The following NOP16 variants were observed in gnomAD, a reference collection of about 807,000 sequenced individuals.
NOP16 encodes the protein nucleolar protein 16.
Under a neutral mutation model 22.7 loss-of-function variants are expected in NOP16, and 14 were observed. That is an observed-to-expected ratio of 0.62 (90% CI 0.41 to 0.97). The LOEUF (loss-of-function observed/expected upper bound fraction) is 0.97. Among genes scored for constraint, NOP16 ranks in the 50% least tolerant of loss-of-function variants. The probability of loss-of-function intolerance (pLI) is 0.00; values close to 1 mark genes in which losing one functional copy is unlikely to be tolerated. For synonymous variants in NOP16, 80 were observed against 83.6 expected (o/e 0.96, Z 0.23); for missense variants, 198 against 235.9 (o/e 0.84, Z 1.05).
At position 176,388,226 on chromosome 5, in the gene NOP16, T is replaced by C; in HGVS notation, c.216+9A>G. The C allele has an allele frequency of 3.1e-6, 5 of 1,595,226 alleles. 1 individual carries two copies. Among genetic ancestry groups the C allele is most frequent in the Middle Eastern group, 3.3e-4 (2 of 6,014 alleles). Reference sequence around the variant, plus strand: ...GAAGACAAGGACCGAGACCCTGCCATGTCAGTACCTTTCTCTTACGGAGGG... The same window carrying C: ...GAAGACAAGGACCGAGACCCTGCCACGTCAGTACCTTTCTCTTACGGAGGG... On this transcript the variant is annotated intron_variant, in intron 2 of 4. Coordinates refer to ENST00000614830, the MANE Select transcript of NOP16 (RefSeq NM_016391.8).
At position 176,388,595 on chromosome 5, in the gene NOP16, G is replaced by T. The variant is rs892294018; in HGVS notation, c.-56C>A. 7 of 1,514,742 alleles carry T rather than the reference G, an allele frequency of 4.6e-6. No homozygotes were observed. The African/African-American group carries it at 6.9e-5, about 15-fold the overall frequency. The allele number at this position is 1,514,742 out of a possible 1,614,324, so 93.8% of individuals were successfully genotyped here. ...ACGCTGCCTCTGTCTCTCAGACCTC[G>T]TGTAACAAACTCCTTCCGGAAGGCG... On this transcript the variant is annotated 5_prime_UTR_variant, in exon 1 of 5. Coordinates refer to ENST00000614830, the MANE Select transcript of NOP16 (RefSeq NM_016391.8).
At chr5:176,386,606 A>C in intron 3 of NOP16, 1 of 617,518 alleles carries the variant, frequency 1.6e-6, no homozygotes, top group Admixed American at 2.2e-5. Flanking sequence ...GCACCTGGGT[A>C]CATCCTCCCT....
At position 176,388,256 on chromosome 5, in the gene NOP16, C is replaced by T; in HGVS notation, c.195G>A (p.Ala65=). 6.2e-7 allele frequency: 1 copy of T among 1,613,082 alleles called. No individual in the cohort carries two copies. The highest frequency in any genetic ancestry group is 8.5e-7 in the Non-Finnish European group (1 of 1,179,092). Residue 65 remains alanine (A), a synonymous_variant, in exon 2 of 5, where the codon GCG becomes GCA. Coordinates refer to ENST00000614830, the MANE Select transcript of NOP16 (RefSeq NM_016391.8). ...EMGLAVDPNR[A]VPLRKRKVKA... is the part of the protein sequence containing the mutation. ...GTACCTTTCTCTTACGGAGGGGCAC[C>T]GCCCTGTTGGGGTCCACAGCCAACC...
Position 176,388,419 on chromosome 5 carries a change from C to A in NOP16, c.107+14G>T, listed in dbSNP as rs769429960. The A allele has an allele frequency of 6.8e-6, 11 of 1,614,012 alleles. No homozygotes were observed. In the South Asian group the frequency reaches 1.2e-4, roughly 18 times the overall value. On this transcript the variant is annotated intron_variant, in intron 1 of 4. Transcript: ENST00000614830. ...GCCGAGGCCCACGGCCACCCGGAAC[C>A]CCAGCCCCCTCACCATTCGATCCGC...
intron 3 of NOP16, chr5:176,386,054 G>C (rs1351658492): frequency 6.6e-6 from 1 of 152,656 alleles, no homozygotes; most frequent in Non-Finnish European, 1.5e-5. Flanking sequence ...TTGTTTAATG[G>C]GTATAGTTTC....
At chr5:176,384,573 GCCCAGGAGTTCCAGGCCA>G (rs953175991) in intron 4 of NOP16, 199 bp from the exon 5 acceptor site, 23 of 594,310 alleles carry the variant, frequency 3.9e-5, no homozygotes, top group African/African-American at 3.7e-4. Context: ...GATCTCTTGA[GCCCAGGAGTTCCAGGCCA>G]CCCTGGGCAA....
chr5:176,387,186 TCTC>T (rs1187103023), intron 2 of NOP16, among the ~76,000 whole-genome samples: 3 of 151,980 alleles, frequency 2.0e-5, no homozygotes, highest in Admixed American at 2.0e-4. Flanking sequence ...GTTCAAGTGA[TCTC>T]CTGCCTCAGC....
At position 176,388,267 on chromosome 5, in the gene NOP16, G is replaced by A. The variant is rs1167631598; in HGVS notation, c.184C>T (p.Pro62Ser). 9 of 1,614,042 alleles carry A rather than the reference G, an allele frequency of 5.6e-6. No homozygotes were observed. The highest frequency in any genetic ancestry group is 5.9e-6 in the Non-Finnish European group (7 of 1,179,900). The change falls in exon 2 of 5, where the codon CCC (proline) becomes TCC (serine). Residue 62 changes from proline (P) to serine (S), a missense_variant. Pro to Ser is a moderately conservative substitution (Grantham distance 74). Coordinates refer to ENST00000614830, the MANE Select transcript of NOP16 (RefSeq NM_016391.8). ...NLAEMGLAVD[P>S]NRAVPLRKRK... ...TTACGGAGGGGCACCGCCCTGTTGGGGTCCACAGCCAACCCCATCTCGGCC... is the reference window on the plus strand; with the variant it reads ...TTACGGAGGGGCACCGCCCTGTTGGAGTCCACAGCCAACCCCATCTCGGCC...
Position 176,384,058 on chromosome 5 carries a change from G to T in NOP16, c.*173C>A. ...GATGAATATAAATTGGAGCCTCTGA[G>T]AACAGTTCCTTCCCCAGAGCGGGGA... On this transcript the variant is annotated 3_prime_UTR_variant, in exon 5 of 5. Coordinates refer to ENST00000614830, the MANE Select transcript of NOP16 (RefSeq NM_016391.8). 5.8e-6 allele frequency: 9 copies of T among 1,560,914 alleles called. No individual in the cohort carries two copies. The highest frequency in any genetic ancestry group is 7.8e-6 in the Non-Finnish European group (9 of 1,158,820).
chr5:176,388,387 C>T, intron 1 of NOP16, 44 bp from the exon 2 acceptor site: 1 of 1,612,570 alleles, frequency 6.2e-7, no homozygotes, highest in Middle Eastern at 1.7e-4. Flanking sequence ...TCTCGCGGAC[C>T]GTCCCGGCCG....
chr5:176,384,372 G>A lies in NOP16; in HGVS notation c.396C>T (p.Ala132=). ...AGTAATTCTTCTCATCACGGGCCAT[G>A]GCCTAAGAGGAGAAGGGCTACTTTA... is the stretch of plus-strand genomic sequence containing the variant. ...MVENHGEDYK[A]MARDEKNYYQ... is the part of the protein sequence containing the mutation. The change falls in exon 5 of 5, where the codon GCC becomes GCT. Residue 132 remains alanine, a splice_region_variant and synonymous_variant. Coordinates refer to ENST00000614830, the MANE Select transcript of NOP16 (RefSeq NM_016391.8). The A allele has an allele frequency of 1.9e-6, 3 of 1,611,308 alleles. No homozygotes were observed. The highest frequency in any genetic ancestry group is 2.5e-6 in the Non-Finnish European group (3 of 1,178,268).
intron 4 of NOP16, chr5:176,384,710 C>T (rs1205133865): frequency 7.7e-6 from 3 of 388,318 alleles, no homozygotes; most frequent in Admixed American, 4.3e-5. Context: ...GATGAGGCTG[C>T]GGTGAGCCAT....
rs1755623162 is a variant in NOP16 at position 176,383,977 on chromosome 5, A to AT, written c.*253dup. The AT allele has an allele frequency of 6.5e-7, 1 of 1,531,418 alleles. No homozygotes were observed. Among genetic ancestry groups the AT allele is most frequent in the Middle Eastern group, 1.7e-4 (1 of 5,938 alleles). The allele number at this position is 1,531,418 out of a possible 1,614,324, so 94.9% of individuals were successfully genotyped here. A position where few individuals can be genotyped will look rare whatever the true frequency, so the allele number is the denominator to read the frequency against. ...ATATTTGCTTTATTATGTACACACT[A>AT]TATTTACATCACCCACCCTGAAAAC... On this transcript the variant is annotated 3_prime_UTR_variant, in exon 5 of 5. Coordinates refer to ENST00000614830, the MANE Select transcript of NOP16 (RefSeq NM_016391.8).
rs1755642466 is a variant in NOP16 at position 176,384,168 on chromosome 5, C to T, written c.*63G>A. On this transcript the variant is annotated 3_prime_UTR_variant, in exon 5 of 5. Coordinates refer to ENST00000614830, the MANE Select transcript of NOP16 (RefSeq NM_016391.8). ...CACACAGCACCTCCTTGCCTTACAC[C>T]CTGGCTCCAGCTTCACTGGTCCGGG... 6.2e-7 allele frequency: 1 copy of T among 1,614,024 alleles called. No homozygotes were observed.
intron 4 of NOP16, chr5:176,384,594 C>T (rs1281672342): frequency 1.7e-6 from 1 of 571,660 alleles, no homozygotes; most frequent in Non-Finnish European, 3.1e-6. Flanking sequence ...CCAGGCCACC[C>T]TGGGCAACCC....
At chr5:176,385,195 C>T (rs2113580901) in intron 4 of NOP16, 26 bp downstream of exon 4, 1 of 1,397,004 alleles carries the variant, frequency 7.2e-7, no homozygotes, top group Non-Finnish European at 1.0e-6. Context: ...CCTTCCCAGC[C>T]AGCCCACGGG....
intron 2 of NOP16, 107 bp downstream of exon 2, chr5:176,388,128 G>T (rs1029841148): frequency 2.7e-5 from 22 of 823,920 alleles, no homozygotes; most frequent in Admixed American, 4.9e-5. Flanking sequence ...TCGAAAACTC[G>T]GAAGGGCCTG....
At chr5:176,384,440 G>A in intron 4 of NOP16, 66 bp from the exon 5 acceptor site, 1 of 1,502,520 alleles carries the variant, frequency 6.7e-7, no homozygotes, top group South Asian at 1.3e-5. Flanking sequence ...AACTCATCCT[G>A]AATTAGGCAA....
intron 2 of NOP16, among the ~76,000 whole-genome samples, chr5:176,387,426 TAGTTA>T (rs1755956235): frequency 6.6e-6 from 1 of 152,248 alleles, no homozygotes; most frequent in Non-Finnish European, 1.5e-5. Context: ...TCTCAATAAG[TAGTTA>T]ACCTAATGAA....
Sources: allele counts gnomAD v4.1 joint callset (sites outside exome capture counted in the v4.1 genomes callset), GRCh38; gene constraint gnomAD v4.1.1; transcripts MANE v1.5; gene names NCBI Gene and HGNC (gene_info 2026-07-23, HGNC 2026-07-21).